Variants in CLIP4 observed in about 807,000 individuals in gnomAD.
CLIP4 encodes the protein CAP-Gly domain-containing linker protein 4.
A neutral mutation model predicts 73.1 loss-of-function variants in CLIP4; 47 were observed. The observed-to-expected ratio is 0.64, with a 90% CI of 0.51 to 0.82. CLIP4 has a LOEUF of 0.82. CLIP4 is among the 40% of genes least tolerant of loss of function. The pLI is 0.00. For missense variants in CLIP4, 874 were observed against 852.9 expected (o/e 1.02, Z -0.31); for synonymous variants, 306 against 295.4 (o/e 1.04, Z -0.37).
chr2:29,107,366 T>TTTTTTTTTTGTTTTTTTTGTTTTTTTTG lies in CLIP4; in HGVS notation c.-16+9428_-16+9429insGTTTTTTTTGTTTTTTTTGTTTTTTTTT, dbSNP rs1558504941. On this transcript the variant is annotated intron_variant, in intron 1 of 14. Transcript: ENST00000401605. ...ATTCCTGGAACATGATAGTTTTTTTTTTTTTTTTTTTTTTTTTTTTTTTGA... is the reference window on the plus strand; with the variant it reads ...ATTCCTGGAACATGATAGTTTTTTTTTTTTTTTTTGTTTTTTTTGTTTTTTTTGTTTTTTTTTTTTTTTTTTTTTTTGA... Among the ~76,000 whole-genome samples, 122 of 107,546 alleles carry TTTTTTTTTTGTTTTTTTTGTTTTTTTTG rather than the reference T, an allele frequency of 1.1e-3. 2 individuals are homozygous for TTTTTTTTTTGTTTTTTTTGTTTTTTTTG. The highest frequency in any genetic ancestry group is 4.9e-3 in the African/African-American group (120 of 24,384). The allele number at this position is 107,546 out of a possible 152,430, so 70.6% of individuals were successfully genotyped here.
chr2:29,135,328 A>C (rs1285617621), intron 5 of CLIP4, among the ~76,000 whole-genome samples: 1 of 152,124 alleles, frequency 6.6e-6, no homozygotes, highest in Non-Finnish European at 1.5e-5. Context: ...AGATAATATC[A>C]CTCCATCTTA....
intron 15 of CLIP4, chr2:29,174,812 T>A: frequency 5.2e-6 from 2 of 387,052 alleles, no homozygotes; most frequent in Non-Finnish European, 7.1e-6. Flanking sequence ...GAAAGAAATG[T>A]AAGGCGTAAT....
intron 2 of CLIP4, chr2:29,130,995 T>A: frequency 9.6e-7 from 1 of 1,039,760 alleles, no homozygotes; most frequent in Non-Finnish European, 1.3e-6. Context: ...GATGTTGAGC[T>A]GGTATTATTT....
chr2:29,116,596 T>G (rs1477932784), intron 1 of CLIP4, among the ~76,000 whole-genome samples: 3 of 152,220 alleles, frequency 2.0e-5, no homozygotes, highest in Non-Finnish European at 4.4e-5. Context: ...TGCGGGGCAT[T>G]GAGCAACTGG....
At chr2:29,133,060 T>C (rs1407394247) in intron 4 of CLIP4, among the ~76,000 whole-genome samples, 1 of 152,052 alleles carries the variant, frequency 6.6e-6, no homozygotes, top group Non-Finnish European at 1.5e-5. Flanking sequence ...TGGTGGTGCA[T>C]GCCTAGAGTT....
Position 29,133,696 on chromosome 2 carries a change from G to A in CLIP4, c.409G>A (p.Asp137Asn). 1 of 1,613,100 alleles carries A rather than the reference G, an allele frequency of 6.2e-7. No homozygotes were observed. The highest frequency in any genetic ancestry group is 8.5e-7 in the Non-Finnish European group (1 of 1,179,720). ...TGTAAAATTTGCAACTCAGCTTATTGACCTGGGAGCAGACATTAGTTTGCG... is the reference window on the plus strand; with the variant it reads ...TGTAAAATTTGCAACTCAGCTTATTAACCTGGGAGCAGACATTAGTTTGCG... ...TAVKFATQLI[D>N]LGADISLRSR... Residue 137 changes from aspartate (D) to asparagine (N), a missense_variant, in exon 5 of 16, where the codon GAC becomes AAC. Asp to Asn is a conservative substitution (Grantham distance 23, BLOSUM62 1). Transcript: ENST00000320081.
chr2:29,101,075 G>A (rs1572846437), intron 1 of CLIP4, among the ~76,000 whole-genome samples: 1 of 152,154 alleles, frequency 6.6e-6, no homozygotes, highest in East Asian at 1.9e-4. Context: ...CGGATCACCT[G>A]AAGTAGGAGT....
intron 14 of CLIP4, among the ~76,000 whole-genome samples, chr2:29,170,183 ATC>A: frequency 6.6e-6 from 1 of 152,100 alleles, no homozygotes; most frequent in Admixed American, 6.5e-5. Flanking sequence ...TTGATTCTAT[ATC>A]TTGGCTGTTG....
At chr2:29,154,827 G>C (rs902557866) in intron 9 of CLIP4, among the ~76,000 whole-genome samples, 2 of 152,132 alleles carry the variant, frequency 1.3e-5, no homozygotes, top group African/African-American at 4.8e-5. Flanking sequence ...CATTGCAGAG[G>C]CTGCGGAAGC....
chr2:29,142,465 T>G (rs1665839399), intron 6 of CLIP4, among the ~76,000 whole-genome samples: 4 of 152,204 alleles, frequency 2.6e-5, no homozygotes. Flanking sequence ...TTTAAAAATT[T>G]TTATGTTTCC....
At chr2:29,180,116 A>G (rs1204236427) in intron 15 of CLIP4, among the ~76,000 whole-genome samples, 1 of 152,200 alleles carries the variant, frequency 6.6e-6, no homozygotes, top group Non-Finnish European at 1.5e-5. Context: ...GTTAGTAACA[A>G]GTTCTGTGTT....
chr2:29,113,907 A>G (rs570440123), upstream of CLIP4: 2 of 152,348 alleles, frequency 1.3e-5, no homozygotes, highest in African/African-American at 4.8e-5. The surrounding 1 kb of genome is among the most constrained non-coding windows in gnomAD (Gnocchi z 4.0). Context: ...AACCAGCTAA[A>G]GAGATGGGTG....
chr2:29,118,300 C>G (rs544859046), intron 1 of CLIP4: 19 of 152,256 alleles, frequency 1.2e-4, no homozygotes, highest in African/African-American at 4.1e-4. Context: ...AGTGGACATC[C>G]CCATTTATTA....
At chr2:29,143,190 G>A (rs1665891939) in intron 6 of CLIP4, among the ~76,000 whole-genome samples, 2 of 152,216 alleles carry the variant, frequency 1.3e-5, no homozygotes, top group Admixed American at 1.3e-4. Flanking sequence ...TCATGCCTCT[G>A]CGGGCAGAAT....
intron 3 of CLIP4, 61 bp downstream of exon 3, chr2:29,131,458 T>C: frequency 6.6e-7 from 1 of 1,509,994 alleles, no homozygotes; most frequent in Non-Finnish European, 8.9e-7. Flanking sequence ...ATAGATTTTT[T>C]TCCCCATCTG....
At position 29,143,844 on chromosome 2, in the gene CLIP4, T is replaced by C; in HGVS notation, c.784T>C (p.Ser262Pro). The change falls in exon 7 of 16, where the codon TCA becomes CCA. Residue 262 changes from serine (S) to proline (P), a missense_variant. Physicochemically the swap from Ser to Pro is moderately conservative, Grantham distance 74. Transcript: ENST00000320081. ...TGCGGTGCCTCTGTCATGTAACATC[T>C]CAAAGGCCATGCTCCCAAATTATGA... ...LDAVPLSCNI[S>P]KAMLPNYDHV... The C allele has an allele frequency of 6.2e-7, 1 of 1,614,154 alleles. No homozygotes were observed. Among genetic ancestry groups the C allele is most frequent in the Non-Finnish European group, 8.5e-7 (1 of 1,180,018 alleles).
At chr2:29,174,719 T>C in intron 15 of CLIP4, 2 of 1,055,100 alleles carry the variant, frequency 1.9e-6, no homozygotes, top group Non-Finnish European at 2.3e-6. Context: ...ATTTACATAT[T>C]GTCTTTTCAT....
chr2:29,111,049 T>G (rs139805671), upstream of CLIP4, among the ~76,000 whole-genome samples: 2 of 152,176 alleles, frequency 1.3e-5, no homozygotes, highest in Non-Finnish European at 2.9e-5. Flanking sequence ...TCCTGGAAAC[T>G]GCATGAACAA....
intron 2 of CLIP4, among the ~76,000 whole-genome samples, chr2:29,122,546 A>C (rs1309654490): frequency 6.6e-6 from 1 of 152,198 alleles, no homozygotes; most frequent in Admixed American, 6.5e-5. Flanking sequence ...AAAAAGGCTA[A>C]TATAGTCATT....
Sources: allele counts gnomAD v4.1 joint callset (sites outside exome capture counted in the v4.1 genomes callset), GRCh38; gene constraint gnomAD v4.1.1; non-coding constraint Gnocchi (gnomAD v3.1); transcripts MANE v1.5; gene names NCBI Gene and HGNC (gene_info 2026-07-23, HGNC 2026-07-21).